The following MYO16 variants were observed in gnomAD, a reference collection of about 807,000 sequenced individuals.
MYO16 encodes unconventional myosin-XVI.
Under a neutral mutation model 205.3 loss-of-function variants are expected in MYO16, and 94 were observed. The ratio of observed to expected loss-of-function variants is 0.46; its 90% CI spans 0.39 to 0.54. The LOEUF (loss-of-function observed/expected upper bound fraction) is 0.54. Among genes scored for constraint, MYO16 ranks in the 20% least tolerant of loss-of-function variants. The probability of loss-of-function intolerance (pLI) is 0.00; values close to 1 mark genes in which losing one functional copy is unlikely to be tolerated. For synonymous variants in MYO16, 988 were observed against 954.0 expected, an observed-to-expected ratio of 1.04 and a Z score of -0.66; for missense variants, 2,315 against 2,387.5, an observed-to-expected ratio of 0.97 and a Z score of 0.63.
intron 32 of MYO16, among the ~76,000 whole-genome samples, chr13:109,156,187 C>G (rs1363012523): frequency 6.6e-6 from 1 of 152,184 alleles, no homozygotes; most frequent in East Asian, 1.9e-4. Flanking sequence ...ACGCCAATTT[C>G]AGGTCGAAGT....
chr13:108,874,218 G>A (rs547122659), intron 12 of MYO16, among the ~76,000 whole-genome samples: 16 of 151,498 alleles, frequency 1.1e-4, no homozygotes, highest in African/African-American at 3.1e-4. Flanking sequence ...TTTTTAAAAA[G>A]CATCACAATA....
chr13:108,702,398 T>C (rs931285473), intron 2 of MYO16, among the ~76,000 whole-genome samples: 9 of 152,098 alleles, frequency 5.9e-5, no homozygotes, highest in African/African-American at 1.7e-4. Flanking sequence ...AAATGACAAA[T>C]TCAAAGTGCT....
At chr13:109,075,932 C>G (rs1423879078) in intron 27 of MYO16, among the ~76,000 whole-genome samples, 1 of 152,152 alleles carries the variant, frequency 6.6e-6, no homozygotes, top group South Asian at 2.1e-4. Context: ...AGAGAAGCCA[C>G]TTGGGTATGA....
Position 109,007,397 on chromosome 13 carries a change from G to GA in MYO16, c.2443-1488dup, listed in dbSNP as rs1269459084. ...GGCGAGACTCCGTCTCAAAAAAAAA[G>GA]AAAAAAAAAAAAGAAATGTGCACAT... On this transcript the variant is annotated intron_variant, in intron 21 of 34. Transcript: ENST00000457511. Among the ~76,000 whole-genome samples, 138 of 129,548 alleles carry GA rather than the reference G, an allele frequency of 1.1e-3. No individual in the cohort carries two copies. In the Middle Eastern group the frequency reaches 0.013, roughly 12 times the overall value. 85.0% of individuals were successfully genotyped at this position (129,548 alleles called of 152,430 possible).
intron 4 of MYO16, among the ~76,000 whole-genome samples, chr13:108,752,103 T>C (rs1230989903): frequency 2.6e-5 from 4 of 152,206 alleles, no homozygotes; most frequent in African/African-American, 9.6e-5. Context: ...TATATAGGAA[T>C]GCTCTGTGGT....
intron 10 of MYO16, 98 bp downstream of exon 10, chr13:108,844,591 G>T (rs2139073452): frequency 2.4e-6 from 3 of 1,249,672 alleles, no homozygotes; most frequent in South Asian, 4.0e-5. Context: ...GCACTAATTT[G>T]CATTCAAAGA....
intron 16 of MYO16, among the ~76,000 whole-genome samples, chr13:108,936,661 T>C (rs1249891396): frequency 6.6e-6 from 1 of 152,190 alleles, no homozygotes; most frequent in Non-Finnish European, 1.5e-5. Context: ...TGTTTTGCTT[T>C]ATTTTCCATT....
intron 32 of MYO16, among the ~76,000 whole-genome samples, chr13:109,148,251 T>C (rs1276355034): frequency 2.0e-5 from 3 of 152,216 alleles, no homozygotes; most frequent in Non-Finnish European, 2.9e-5. Flanking sequence ...TAGAAATATA[T>C]ATTTTTAATG....
At chr13:108,606,396 C>G (rs1272950292) in intron 1 of MYO16, among the ~76,000 whole-genome samples, 1 of 152,190 alleles carries the variant, frequency 6.6e-6, no homozygotes, top group African/African-American at 2.4e-5. Flanking sequence ...TCTGTGCAGT[C>G]TCAGGACATG....
intron 20 of MYO16, among the ~76,000 whole-genome samples, chr13:108,982,021 T>C (rs1294800502): frequency 6.6e-6 from 1 of 152,242 alleles, no homozygotes; most frequent in African/African-American, 2.4e-5. Flanking sequence ...TTAGTACTTG[T>C]ACTAGATTGC....
intron 20 of MYO16, among the ~76,000 whole-genome samples, chr13:108,967,519 G>A (rs1245329501): frequency 6.6e-6 from 1 of 152,088 alleles, no homozygotes; most frequent in African/African-American, 2.4e-5. Flanking sequence ...CTGCCTACTG[G>A]GGTGTTGTCC....
chr13:108,728,469 A>G (rs1884415700), intron 4 of MYO16, among the ~76,000 whole-genome samples: 1 of 152,086 alleles, frequency 6.6e-6, no homozygotes, highest in Non-Finnish European at 1.5e-5. Flanking sequence ...GAACACAAGC[A>G]CCCTTGCGGA....
At position 109,127,585 on chromosome 13, in the gene MYO16, G is replaced by A. The variant is rs977492585; in HGVS notation, c.4051+35G>A. 6.3e-6 allele frequency: 10 copies of A among 1,595,950 alleles called. No individual in the cohort carries two copies. The highest frequency in any genetic ancestry group is 2.2e-5 in the South Asian group (2 of 89,964). ...GGGGAGGGACCCAGCCTCGTGTTCC[G>A]GGCTCGCGCATGCTCTGACTTCGCC... On this transcript the variant is annotated intron_variant, in intron 31 of 34. Coordinates refer to ENST00000457511, the MANE Select transcript of MYO16 (RefSeq NM_001198950.3). The surrounding 1 kb of genome is among the most constrained non-coding windows in gnomAD (Gnocchi z 4.2).
intron 6 of MYO16, among the ~76,000 whole-genome samples, chr13:108,798,714 T>C: frequency 7.2e-6 from 1 of 139,076 alleles, no homozygotes; most frequent in South Asian, 2.4e-4. Context: ...TTTTTTTTTT[T>C]TTGAGATGGA....
At chr13:108,553,932 C>A in the MYO16 span, among the ~76,000 whole-genome samples, 25 of 152,266 alleles carry the variant, frequency 1.6e-4, no homozygotes, top group Admixed American at 1.0e-3. Flanking sequence ...AAGCATGTGC[C>A]TGTTCTGTAG....
intron 28 of MYO16, among the ~76,000 whole-genome samples, chr13:109,104,532 A>G (rs981980198): frequency 1.3e-5 from 2 of 152,138 alleles, no homozygotes; most frequent in Admixed American, 6.5e-5. Flanking sequence ...GAAAAGGAGG[A>G]GTAAGGAAAG....
rs28450328 is a variant in MYO16, at chr13:109,082,633, G to A, written c.3336-18152G>A. Among the ~76,000 whole-genome samples the A allele has an allele frequency of 4.0e-5, 6 of 151,750 alleles. No individual in the cohort carries two copies. In the East Asian group the frequency reaches 5.8e-4, roughly 15 times the overall value. On this transcript the variant is annotated intron_variant, in intron 27 of 34. Coordinates refer to ENST00000457511, the MANE Select transcript of MYO16 (RefSeq NM_001198950.3). ...GTGGATCACTTGAGACCAGGAGTTCGAGACCAGCCTGGCCAACATGGCAAA... is the reference window on the plus strand; with the variant it reads ...GTGGATCACTTGAGACCAGGAGTTCAAGACCAGCCTGGCCAACATGGCAAA...
the MYO16 span, among the ~76,000 whole-genome samples, chr13:108,577,306 G>A: frequency 0.17 from 26,079 of 152,128 alleles, 2,488 homozygotes; most frequent in Non-Finnish European, 0.22. Flanking sequence ...GATTCTCGAG[G>A]CAGATAGCCA....
chr13:108,547,164 C>T, the MYO16 span, among the ~76,000 whole-genome samples: 4 of 150,668 alleles, frequency 2.7e-5, no homozygotes, highest in African/African-American at 9.8e-5. Flanking sequence ...CCCAGCTACT[C>T]GGGAGGCTGA....
Sources: gnomAD v4.1 joint callset for allele counts (sites outside exome capture counted in the v4.1 genomes callset) on GRCh38, gnomAD v4.1.1 for gene constraint, Gnocchi (gnomAD v3.1) non-coding constraint, MANE v1.5 for transcripts, NCBI Gene and HGNC (gene_info 2026-07-23, HGNC 2026-07-21) for gene names.